The following DZIP3 variants were observed in gnomAD, a reference collection of about 807,000 sequenced individuals.
The protein encoded by DZIP3 is E3 ubiquitin-protein ligase DZIP3.
A neutral mutation model predicts 162.0 loss-of-function variants in DZIP3; 118 were observed. The observed-to-expected ratio is 0.73, with a 90% CI of 0.63 to 0.85. DZIP3 has a LOEUF of 0.85. DZIP3 is among the 40% of genes least tolerant of loss of function. DZIP3 has a pLI of 0.00. For synonymous variants in DZIP3, 438 were observed against 458.6 expected (o/e 0.96, Z 0.57); for missense variants, 1,331 against 1,407.0 (o/e 0.95, Z 0.86).
chr3:108,631,058 C>CACACA lies in DZIP3; in HGVS notation c.696+1882_696+1883insACACA, dbSNP rs1941856797. Among the ~76,000 whole-genome samples the CACACA allele has an allele frequency of 2.3e-5, 3 of 131,672 alleles. No homozygotes were observed. The South Asian group carries it at 8.4e-4, about 37-fold the overall frequency. 86.4% of individuals were successfully genotyped at this position (131,672 alleles called of 152,430 possible). ...ACACACACACACACACACACACACT[C>CACACA]TCTCTCTCTCTCTCTCTCTCTCTCT... On this transcript the variant is annotated intron_variant, in intron 8 of 32. Coordinates refer to ENST00000361582, the MANE Select transcript of DZIP3 (RefSeq NM_014648.4).
At chr3:108,613,911 A>G (rs988548392) in intron 4 of DZIP3, among the ~76,000 whole-genome samples, 14 of 152,236 alleles carry the variant, frequency 9.2e-5, no homozygotes, top group African/African-American at 3.4e-4. Context: ...AGAAGAAATC[A>G]CAATAGAAGT....
Position 108,605,397 on chromosome 3 carries a change from C to T in DZIP3, c.-10C>T. On this transcript the variant is annotated 5_prime_UTR_variant, in exon 2 of 33. Transcript: ENST00000361582. Reference sequence around the variant, plus strand: ...TGGAATAAGATTTTTGTAAAGAAACCTTGTGCAGCATGGATTCTCTACCAG... The same window carrying T: ...TGGAATAAGATTTTTGTAAAGAAACTTTGTGCAGCATGGATTCTCTACCAG... The T allele has an allele frequency of 6.2e-7, 1 of 1,613,284 alleles. No homozygotes were observed. The highest frequency in any genetic ancestry group is 8.5e-7 in the Non-Finnish European group (1 of 1,179,632).
intron 7 of DZIP3, among the ~76,000 whole-genome samples, chr3:108,626,876 G>T (rs149658444): frequency 6.6e-6 from 1 of 152,328 alleles, no homozygotes; most frequent in East Asian, 1.9e-4. Flanking sequence ...AGATCTGAGG[G>T]ATGAATTTGG....
chr3:108,607,403 C>T (rs1940443943), intron 2 of DZIP3, among the ~76,000 whole-genome samples: 1 of 152,176 alleles, frequency 6.6e-6, no homozygotes, highest in South Asian at 2.1e-4. Flanking sequence ...GTTATCTCTG[C>T]TGGTGTCCAG....
At chr3:108,631,055 A>ACACACACTCTCTCTCTCTCT in intron 8 of DZIP3, among the ~76,000 whole-genome samples, 6 of 18,008 alleles carry the variant, frequency 3.3e-4, no homozygotes, top group East Asian at 2.5e-3. Flanking sequence ...ACACACACAC[A>ACACACACTCTCTCTCTCTCT]CTCTCTCTCT....
chr3:108,628,993 T>C, intron 7 of DZIP3, 69 bp from the exon 8 acceptor site: 1 of 926,356 alleles, frequency 1.1e-6, no homozygotes, highest in Non-Finnish European at 1.6e-6. Flanking sequence ...GGTTATTTGT[T>C]GTCTCATTGG....
At chr3:108,652,478 G>A (rs563091504) in intron 18 of DZIP3, among the ~76,000 whole-genome samples, 1 of 151,956 alleles carries the variant, frequency 6.6e-6, no homozygotes, top group East Asian at 1.9e-4. Context: ...ATCAAGGACA[G>A]ACCTCAGATA....
chr3:108,693,590 G>C lies in DZIP3; in HGVS notation c.*237G>C, dbSNP rs897394178. On this transcript the variant is annotated 3_prime_UTR_variant, in exon 33 of 33. Coordinates refer to ENST00000361582, the MANE Select transcript of DZIP3 (RefSeq NM_014648.4). ...AGAGCTAGTTGTTAAACCTTTACCA[G>C]CATACCACTGGACCTTGTCTAAAAT... is the stretch of plus-strand genomic sequence containing the variant. The C allele has an allele frequency of 6.6e-6, 1 of 152,120 alleles. No individual in the cohort carries two copies. The highest frequency in any genetic ancestry group is 1.5e-5 in the Non-Finnish European group (1 of 68,016). 9.4% of individuals were successfully genotyped at this position (152,120 alleles called of 1,614,324 possible).
At chr3:108,610,407 T>C (rs1940638115) in intron 3 of DZIP3, among the ~76,000 whole-genome samples, 1 of 152,242 alleles carries the variant, frequency 6.6e-6, no homozygotes, top group Admixed American at 6.5e-5. Flanking sequence ...ATTAGACAGA[T>C]AGTCCTGCAA....
At position 108,688,757 on chromosome 3, in the gene DZIP3, T is replaced by G. The variant is rs530148917; in HGVS notation, c.3414+21T>G. 14 of 1,613,922 alleles carry G rather than the reference T, an allele frequency of 8.7e-6. 1 individual carries two copies. The South Asian group carries it at 1.5e-4, about 18-fold the overall frequency. On this transcript the variant is annotated intron_variant, in intron 30 of 32. Coordinates refer to ENST00000361582, the MANE Select transcript of DZIP3 (RefSeq NM_014648.4). ...ATCCAGTGAGACTGAAATTTTTGATTCTGAACACATTTAGATTTGGGAGAA... is the reference window on the plus strand; with the variant it reads ...ATCCAGTGAGACTGAAATTTTTGATGCTGAACACATTTAGATTTGGGAGAA...
intron 11 of DZIP3, among the ~76,000 whole-genome samples, chr3:108,636,988 A>T (rs1357652954): frequency 1.3e-5 from 2 of 152,064 alleles, no homozygotes; most frequent in Non-Finnish European, 2.9e-5. Flanking sequence ...AATATCGTGA[A>T]CTAAGGATAA....
chr3:108,672,203 CG>C (rs1415012213), intron 22 of DZIP3, among the ~76,000 whole-genome samples: 1 of 151,860 alleles, frequency 6.6e-6, no homozygotes, highest in African/African-American at 2.4e-5. Context: ...ACCATCACTT[CG>C]GGGGTTAAGA....
chr3:108,613,742 C>G (rs552368634), intron 4 of DZIP3, among the ~76,000 whole-genome samples: 1 of 152,190 alleles, frequency 6.6e-6, no homozygotes, highest in South Asian at 2.1e-4. Flanking sequence ...TGCTAGGTCA[C>G]AAAGCAAGCC....
intron 5 of DZIP3, among the ~76,000 whole-genome samples, chr3:108,620,059 A>T (rs924066113): frequency 2.0e-5 from 3 of 152,216 alleles, no homozygotes; most frequent in Non-Finnish European, 4.4e-5. Context: ...ATAAGGATAC[A>T]TAGTAGATCA....
rs563968403 is a variant in DZIP3, at chr3:108,675,035, T to G, written c.2694-751T>G. On this transcript the variant is annotated intron_variant, in intron 24 of 32. Coordinates refer to ENST00000361582, the MANE Select transcript of DZIP3 (RefSeq NM_014648.4). ...TCTATACATTAGGATATTATGGAACTTCTTTGTATGAGATTATGTTAGTGA... is the reference window on the plus strand; with the variant it reads ...TCTATACATTAGGATATTATGGAACGTCTTTGTATGAGATTATGTTAGTGA... 1.8e-3 allele frequency among the ~76,000 whole-genome samples: 278 copies of G among 152,058 alleles called. 1 individual carries two copies. The highest frequency in any genetic ancestry group is 2.1e-3 in the Non-Finnish European group (140 of 67,926).
chr3:108,669,611 A>T, intron 21 of DZIP3, 70 bp from the exon 22 acceptor site: 1 of 1,408,350 alleles, frequency 7.1e-7, no homozygotes, highest in Non-Finnish European at 9.9e-7. Flanking sequence ...AGCTGTAGTT[A>T]GAGCTCTTCT....
At chr3:108,640,075 A>G (rs1208834233) in intron 12 of DZIP3, among the ~76,000 whole-genome samples, 1 of 152,076 alleles carries the variant, frequency 6.6e-6, no homozygotes, top group Non-Finnish European at 1.5e-5. Flanking sequence ...GGAATATTTC[A>G]GCTCTCTTTC....
chr3:108,625,661 A>C (rs183207781), intron 6 of DZIP3, among the ~76,000 whole-genome samples, 184 bp from the exon 7 acceptor site: 2 of 152,316 alleles, frequency 1.3e-5, no homozygotes, highest in East Asian at 3.9e-4. Flanking sequence ...TATTTTAAAC[A>C]CTGACTACAT....
chr3:108,633,010 T>G lies in DZIP3; in HGVS notation c.754T>G (p.Cys252Gly), dbSNP rs1941958568. 6.6e-7 allele frequency: 1 copy of G among 1,509,138 alleles called. No homozygotes were observed. The highest frequency in any genetic ancestry group is 2.0e-5 in the Admixed American group (1 of 50,634). The allele number at this position is 1,509,138 out of a possible 1,614,324, so 93.5% of individuals were successfully genotyped here. ...AAGCAATATAATGAAGCAGACGATT[T>G]GTAGTTACCTAGATTGTGAACGATC... ...TESNIMKQTI[C>G]SYLDCERSCE... The change falls in exon 9 of 33, where the codon TGT becomes GGT. Residue 252 changes from cysteine to glycine, a missense_variant. By Grantham distance (159) the Cys-to-Gly change is radical (BLOSUM62 -3). This residue lies in a region of DZIP3 where 1,278 missense variants were observed against 1,317.1 expected (regional missense o/e 0.97). Coordinates refer to ENST00000361582, the MANE Select transcript of DZIP3 (RefSeq NM_014648.4).
Sources: allele counts gnomAD v4.1 joint callset (sites outside exome capture counted in the v4.1 genomes callset), GRCh38; gene constraint gnomAD v4.1.1; regional missense constraint gnomAD v4.1.1; transcripts MANE v1.5; gene names NCBI Gene and HGNC (gene_info 2026-07-23, HGNC 2026-07-21).